Variants in SKA1 observed in about 807,000 individuals in gnomAD.
SKA1 encodes the protein spindle and kinetochore associated complex subunit 1, also known as SKA complex subunit 1.
Under a neutral mutation model 31.8 loss-of-function variants are expected in SKA1, and 20 were observed. The ratio of observed to expected loss-of-function variants is 0.63; its 90% CI spans 0.44 to 0.91. The LOEUF is 0.91. Ranked by LOEUF, SKA1 falls within the 40% of genes least tolerant of loss-of-function variation. The pLI is 0.00. For synonymous variants in SKA1, 88 were observed against 100.5 expected (o/e 0.88, Z 0.74); for missense variants, 253 against 298.2 (o/e 0.85, Z 1.12).
chr18:50,377,817 G>T (rs142764998), intron 2 of SKA1, among the ~76,000 whole-genome samples: 1 of 152,206 alleles, frequency 6.6e-6, no homozygotes, highest in African/African-American at 2.4e-5. Flanking sequence ...TCTCAGGGAC[G>T]TTGATATTCT....
chr18:50,378,320 T>G (rs1167433262), intron 2 of SKA1, among the ~76,000 whole-genome samples: 1 of 152,180 alleles, frequency 6.6e-6, no homozygotes, highest in African/African-American at 2.4e-5. Context: ...TTTGTGTGGC[T>G]CCATAGCCTA....
intron 3 of SKA1, among the ~76,000 whole-genome samples, chr18:50,380,843 G>A (rs973318404): frequency 6.6e-6 from 1 of 152,186 alleles, no homozygotes. Flanking sequence ...TCCTGAGGGG[G>A]AAATAATCTG....
chr18:50,380,513 A>G (rs1385630142), intron 3 of SKA1, among the ~76,000 whole-genome samples: 4 of 152,194 alleles, frequency 2.6e-5, no homozygotes, highest in Non-Finnish European at 4.4e-5. Flanking sequence ...AATTTAAACA[A>G]TGATGTTCTA....
At chr18:50,377,218 A>G (rs2041225744) in intron 2 of SKA1, among the ~76,000 whole-genome samples, 1 of 152,188 alleles carries the variant, frequency 6.6e-6, no homozygotes, top group African/African-American at 2.4e-5. Flanking sequence ...CATCACCACA[A>G]ACATGTGAAT....
intron 2 of SKA1, among the ~76,000 whole-genome samples, chr18:50,378,059 C>CT (rs1447773208): frequency 6.6e-6 from 1 of 152,178 alleles, no homozygotes; most frequent in Admixed American, 6.5e-5. Context: ...TGTTAGTACT[C>CT]TTTCTATTTT....
Position 50,376,018 on chromosome 18 carries a change from G to T in SKA1, c.88+100G>T, listed in dbSNP as rs1179663300. The T allele has an allele frequency of 2.3e-5, 16 of 683,908 alleles. No individual in the cohort carries two copies. The East Asian group carries it at 4.4e-4, about 19-fold the overall frequency. 42.4% of individuals were successfully genotyped at this position (683,908 alleles called of 1,614,324 possible). A position where few individuals can be genotyped will look rare whatever the true frequency, so the allele number is the denominator to read the frequency against. On this transcript the variant is annotated intron_variant, in intron 2 of 6. Transcript: ENST00000285116. Reference sequence around the variant, plus strand: ...GCTTGGTTAAGTGACTGCATCTTAGGTAATTTTAGATTTTTGCATAACGAT... The same window carrying T: ...GCTTGGTTAAGTGACTGCATCTTAGTTAATTTTAGATTTTTGCATAACGAT...
chr18:50,392,397 C>A lies in SKA1; in HGVS notation c.*150C>A. The A allele has an allele frequency of 2.1e-6, 1 of 481,580 alleles. No homozygotes were observed. Among genetic ancestry groups the A allele is most frequent in the Non-Finnish European group, 3.2e-6 (1 of 316,390 alleles). 29.8% of individuals were successfully genotyped at this position (481,580 alleles called of 1,614,324 possible). The stretch of plus-strand genomic sequence containing the variant: ...AGGATCTTGCTTTGTCACCCAGGGG[C>A]TTGCTTTGTCACGCAGGCTAGAGTG... On this transcript the variant is annotated 3_prime_UTR_variant, in exon 7 of 7. Transcript: ENST00000285116.
At chr18:50,384,178 T>G (rs1382961844) in intron 4 of SKA1, among the ~76,000 whole-genome samples, 1 of 152,246 alleles carries the variant, frequency 6.6e-6, no homozygotes, top group Non-Finnish European at 1.5e-5. Flanking sequence ...AAAATAAAAC[T>G]CATCTGTAAT....
intron 4 of SKA1, among the ~76,000 whole-genome samples, chr18:50,384,433 G>C (rs2041285721): frequency 6.6e-6 from 1 of 152,084 alleles, no homozygotes; most frequent in Non-Finnish European, 1.5e-5. Flanking sequence ...AGTGGGACAG[G>C]AGCTATATTA....
At chr18:50,376,040 C>A in intron 2 of SKA1, 122 bp downstream of exon 2, 1 of 582,482 alleles carries the variant, frequency 1.7e-6, no homozygotes, top group South Asian at 2.5e-5. Flanking sequence ...TTTTGCATAA[C>A]GATTTTTTAA....
At position 50,385,133 on chromosome 18, in the gene SKA1, ATAT is replaced by A. The variant is rs138837563; in HGVS notation, c.312-78_312-76del. ...TATAACAGGATGAGTTACGTATTTAATATTATTTTCAGTTGGGAAAACTGTCAG... is the reference window on the plus strand; with the variant it reads ...TATAACAGGATGAGTTACGTATTTAATATTTTCAGTTGGGAAAACTGTCAG... On this transcript the variant is annotated intron_variant, in intron 4 of 6. Coordinates refer to ENST00000285116, the MANE Select transcript of SKA1 (RefSeq NM_145060.4). The A allele has an allele frequency of 0.01, 11,834 of 1,131,978 alleles. 910 individuals carry two copies. The African/African-American group carries it at 0.17, about 16-fold the overall frequency. The allele number at this position is 1,131,978 out of a possible 1,614,324, so 70.1% of individuals were successfully genotyped here.
intron 5 of SKA1, among the ~76,000 whole-genome samples, chr18:50,385,789 A>G (rs1267622407): frequency 6.6e-6 from 1 of 152,228 alleles, no homozygotes; most frequent in East Asian, 1.9e-4. Flanking sequence ...AGAGGAATGA[A>G]TAAGACAAAA....
Position 50,391,169 on chromosome 18 carries a change from TAAAGA to T in SKA1, c.498_502del (p.Lys166AsnfsTer7). On this transcript the variant is annotated frameshift_variant, in exon 6 of 7. Coordinates refer to ENST00000285116, the MANE Select transcript of SKA1 (RefSeq NM_145060.4). LOFTEE classifies it high-confidence loss of function. The stretch of plus-strand genomic sequence containing the variant: ...CCTATAATCAAATTAATGATGTTAT[TAAAGA>T]AATCAACAAGGCAGTAATTAGTAAA... 6.3e-7 allele frequency: 1 copy of T among 1,585,290 alleles called. No homozygotes were observed. The highest frequency in any genetic ancestry group is 8.6e-7 in the Non-Finnish European group (1 of 1,166,592).
At chr18:50,384,873 AAAAAAAAAAAAAAAAAAGG>A (rs1259877495) in intron 4 of SKA1, among the ~76,000 whole-genome samples, 3 of 29,164 alleles carry the variant, frequency 1.0e-4, no homozygotes, top group Non-Finnish European at 1.9e-4. Flanking sequence ...AAAAAAATTA[AAAAAAAAAAAAAAAAAAGG>A]AAAAAAAAAA....
At position 50,391,312 on chromosome 18, in the gene SKA1, T is replaced by G; in HGVS notation, c.619+19T>G. 1 of 1,556,920 alleles carries G rather than the reference T, an allele frequency of 6.4e-7. No individual in the cohort carries two copies. The highest frequency in any genetic ancestry group is 8.6e-7 in the Non-Finnish European group (1 of 1,157,362). On this transcript the variant is annotated intron_variant, in intron 6 of 6. Coordinates refer to ENST00000285116, the MANE Select transcript of SKA1 (RefSeq NM_145060.4). ...ACCAAAGGTAAAATGGCAGCATATATGTGTGTACATGTGAACTGTTCAGAG... is the reference window on the plus strand; with the variant it reads ...ACCAAAGGTAAAATGGCAGCATATAGGTGTGTACATGTGAACTGTTCAGAG...
chr18:50,375,959 G>T (rs1435620396), intron 2 of SKA1, 41 bp downstream of exon 2: 6 of 1,280,448 alleles, frequency 4.7e-6, no homozygotes, highest in Non-Finnish European at 6.7e-6. Context: ...TATACAAAAT[G>T]CATTTTGATT....
chr18:50,385,189 G>T, intron 4 of SKA1, 27 bp from the exon 5 acceptor site: 16 of 1,557,472 alleles, frequency 1.0e-5, no homozygotes, highest in Non-Finnish European at 9.5e-6. Context: ...AAAATTGCCT[G>T]TATGTATGTA....
At chr18:50,382,819 G>A (rs1346221623) in intron 4 of SKA1, among the ~76,000 whole-genome samples, 2 of 152,132 alleles carry the variant, frequency 1.3e-5, no homozygotes, top group East Asian at 3.9e-4. Flanking sequence ...GATTGCTTGA[G>A]CCCAGGAGTT....
At chr18:50,384,871 T>TAAAAAAAAA (rs10608403) in intron 4 of SKA1, among the ~76,000 whole-genome samples, 1 of 82,598 alleles carries the variant, frequency 1.2e-5, no homozygotes, top group Non-Finnish European at 2.1e-5. Flanking sequence ...AAAAAAAAAT[T>TAAAAAAAAA]AAAAAAAAAA....
Sources: gnomAD v4.1 joint callset for allele counts (sites outside exome capture counted in the v4.1 genomes callset) on GRCh38, gnomAD v4.1.1 for gene constraint, MANE v1.5 for transcripts, NCBI Gene and HGNC (gene_info 2026-07-23, HGNC 2026-07-21) for gene names.